GPC5: variants seen among roughly 807,000 people sequenced by gnomAD.
GPC5 encodes glypican 5.
Under a neutral mutation model 53.9 loss-of-function variants are expected in GPC5, and 47 were observed. The observed-to-expected ratio is 0.87, with a 90% CI of 0.69 to 1.11. The LOEUF is 1.11. Ranked by LOEUF, GPC5 falls within the 50% of genes most tolerant of loss-of-function variation. The pLI is 0.00. For missense variants in GPC5, 748 were observed against 713.1 expected, an observed-to-expected ratio of 1.05 and a Z score of -0.56; for synonymous variants, 286 against 263.3, an observed-to-expected ratio of 1.09 and a Z score of -0.84.
chr13:92,704,341 A>G (rs947562238), intron 7 of GPC5, among the ~76,000 whole-genome samples: 2 of 152,074 alleles, frequency 1.3e-5, no homozygotes, highest in African/African-American at 4.8e-5. Context: ...TGGCAATATG[A>G]GAGAATTTCC....
At chr13:92,105,711 G>T (rs2041504340) in intron 6 of GPC5, among the ~76,000 whole-genome samples, 1 of 151,834 alleles carries the variant, frequency 6.6e-6, no homozygotes, top group African/African-American at 2.4e-5. Context: ...TTATATTGAA[G>T]TATAAATTAT....
At chr13:91,502,523 G>A (rs1884696489) in intron 2 of GPC5, among the ~76,000 whole-genome samples, 1 of 152,148 alleles carries the variant, frequency 6.6e-6, no homozygotes, top group African/African-American at 2.4e-5. Flanking sequence ...CTTTAGCTTG[G>A]CTTATGACAG....
At chr13:92,829,443 T>C (rs2138819361) in intron 7 of GPC5, among the ~76,000 whole-genome samples, 1 of 152,344 alleles carries the variant, frequency 6.6e-6, no homozygotes, top group South Asian at 2.1e-4. Context: ...TACTGTTTTC[T>C]GAATTGCTGA....
chr13:92,124,600 T>C (rs2041679441), intron 6 of GPC5, among the ~76,000 whole-genome samples: 1 of 152,186 alleles, frequency 6.6e-6, no homozygotes, highest in Admixed American at 6.5e-5. Flanking sequence ...GTCACCCACA[T>C]GTTAATAACA....
chr13:91,496,732 G>T (rs569040466), intron 2 of GPC5, among the ~76,000 whole-genome samples: 1 of 152,236 alleles, frequency 6.6e-6, no homozygotes, highest in South Asian at 2.1e-4. Context: ...GCATAACAGG[G>T]TGACTATGGC....
intron 2 of GPC5, among the ~76,000 whole-genome samples, chr13:91,489,550 T>G (rs1461940824): frequency 6.6e-6 from 1 of 152,212 alleles, no homozygotes; most frequent in Non-Finnish European, 1.5e-5. Flanking sequence ...TCTTTTTACT[T>G]TAAAAATTAT....
chr13:92,819,866 T>G (rs1877614971), intron 7 of GPC5, among the ~76,000 whole-genome samples: 1 of 152,208 alleles, frequency 6.6e-6, no homozygotes, highest in South Asian at 2.1e-4. Context: ...CTGAGCAACT[T>G]TCAACATGAC....
At chr13:92,751,707 T>C (rs1889405872) in intron 7 of GPC5, among the ~76,000 whole-genome samples, 1 of 151,802 alleles carries the variant, frequency 6.6e-6, no homozygotes, top group Non-Finnish European at 1.5e-5. Context: ...GTAACAAACC[T>C]GCACGTTGTG....
At chr13:92,183,142 A>AT (rs2042159840) in intron 7 of GPC5, among the ~76,000 whole-genome samples, 2 of 152,352 alleles carry the variant, frequency 1.3e-5, no homozygotes, top group African/African-American at 4.8e-5. Flanking sequence ...CTTTCCCACC[A>AT]TTCCCCATTA....
chr13:92,036,972 C>A (rs1177588296), intron 6 of GPC5, among the ~76,000 whole-genome samples: 1 of 152,156 alleles, frequency 6.6e-6, no homozygotes, highest in South Asian at 2.1e-4. Context: ...CCTTCCTTAC[C>A]TTTTTGTAGT....
At chr13:92,774,548 T>C (rs1449584721) in intron 7 of GPC5, among the ~76,000 whole-genome samples, 1 of 152,164 alleles carries the variant, frequency 6.6e-6, no homozygotes, top group East Asian at 1.9e-4. Context: ...GAATTACGTG[T>C]TTCCCTAGCT....
At chr13:92,519,569 T>C (rs1880944452) in intron 7 of GPC5, among the ~76,000 whole-genome samples, 1 of 152,204 alleles carries the variant, frequency 6.6e-6, no homozygotes, top group South Asian at 2.1e-4. Flanking sequence ...AAAGATGTTC[T>C]TTGAAACCAA....
intron 5 of GPC5, among the ~76,000 whole-genome samples, chr13:91,848,502 A>G (rs2038876844): frequency 6.6e-6 from 1 of 152,180 alleles, no homozygotes; most frequent in South Asian, 2.1e-4. Context: ...GCTCCAGCCT[A>G]AAGGATGGTT....
At chr13:91,511,692 T>C in intron 2 of GPC5, among the ~76,000 whole-genome samples, 1 of 152,258 alleles carries the variant, frequency 6.6e-6, no homozygotes, top group Non-Finnish European at 1.5e-5. Flanking sequence ...TATTTTCCAT[T>C]TATAGTATTT....
intron 7 of GPC5, among the ~76,000 whole-genome samples, chr13:92,177,456 C>A (rs1303037486): frequency 1.3e-5 from 2 of 152,052 alleles, no homozygotes; most frequent in African/African-American, 2.4e-5. Context: ...CAAATATGTA[C>A]CTTCATATAA....
intron 7 of GPC5, among the ~76,000 whole-genome samples, chr13:92,198,593 G>A (rs1000392064): frequency 6.6e-6 from 1 of 152,164 alleles, no homozygotes; most frequent in Non-Finnish European, 1.5e-5. Flanking sequence ...AGTGAGTAAA[G>A]TCAGGATGTA....
At chr13:92,133,209 T>A (rs1389301952) in intron 6 of GPC5, among the ~76,000 whole-genome samples, 1 of 152,176 alleles carries the variant, frequency 6.6e-6, no homozygotes, top group South Asian at 2.1e-4. Flanking sequence ...ATTTGGCATA[T>A]CTTTGTCTAC....
rs116337905 is a variant in GPC5 at position 92,574,796 on chromosome 13, A to G, written c.1562-291486A>G. ...CCAGAGAATCATAATAAATCAAAGG[A>G]CTATCCCTACTCGGAAGAATGTTTA... On this transcript the variant is annotated intron_variant, in intron 7 of 7. Transcript: ENST00000377067. Among the ~76,000 whole-genome samples, 1,004 of 152,246 alleles carry G rather than the reference A, an allele frequency of 6.6e-3. 6 individuals carry two copies. The highest frequency in any genetic ancestry group is 0.017 in the Middle Eastern group (5 of 294).
intron 1 of GPC5, among the ~76,000 whole-genome samples, chr13:91,410,105 G>A (rs1360309435): frequency 1.3e-5 from 2 of 152,152 alleles, no homozygotes; most frequent in Admixed American, 6.5e-5. Flanking sequence ...GTGACCTTTA[G>A]CAAATGACCC....
Sources: gnomAD v4.1 joint callset for allele counts (sites outside exome capture counted in the v4.1 genomes callset) on GRCh38, gnomAD v4.1.1 for gene constraint, MANE v1.5 for transcripts, NCBI Gene and HGNC (gene_info 2026-07-23, HGNC 2026-07-21) for gene names.